ADAMTS18: variants seen among roughly 807,000 people sequenced by gnomAD.
ADAMTS18 encodes the protein ADAM metallopeptidase with thrombospondin type 1 motif 18.
ADAMTS18 carries 157 observed loss-of-function variants against 165.9 expected under a neutral mutation model. The observed-to-expected ratio is 0.95, with a 90% CI of 0.83 to 1.08. The LOEUF (loss-of-function observed/expected upper bound fraction) is 1.08, where lower values mean the gene tolerates loss of function less well. Among genes scored for constraint, ADAMTS18 ranks in the 50% least tolerant of loss-of-function variants. ADAMTS18 has a pLI of 0.00. For missense variants in ADAMTS18, 2,040 were observed against 1,534.0 expected (o/e 1.33, Z -5.51); for synonymous variants, 782 against 578.2 (o/e 1.35, Z -5.06).
At chr16:77,291,238 G>T in intron 21 of ADAMTS18, 28 bp downstream of exon 21, 1 of 1,611,742 alleles carries the variant, frequency 6.2e-7, no homozygotes, top group South Asian at 1.1e-5. Flanking sequence ...CACTTGAATA[G>T]ACACCTCCTC....
chr16:77,410,407 T>C (rs546216407), intron 3 of ADAMTS18, among the ~76,000 whole-genome samples: 2 of 151,994 alleles, frequency 1.3e-5, no homozygotes, highest in African/African-American at 4.8e-5. Context: ...GAGGATCCTC[T>C]AGCATGCTTA....
Position 77,294,922 on chromosome 16 carries a change from C to G in ADAMTS18, c.3006+1G>C, listed in dbSNP as rs1195694707. On this transcript the variant is annotated splice_donor_variant, in intron 19 of 22. Coordinates refer to ENST00000282849, the MANE Select transcript of ADAMTS18 (RefSeq NM_199355.4). LOFTEE classifies it high-confidence loss of function. ...GTAACTCCCAAGTTTTCTCCTGTTA[C>G]CTGAGACCAGGGTCCAAGGCTCCAT... The G allele has an allele frequency of 6.2e-7, 1 of 1,613,980 alleles. No homozygotes were observed. The highest frequency in any genetic ancestry group is 8.5e-7 in the Non-Finnish European group (1 of 1,180,014).
At chr16:77,303,542 C>A (rs895408150) in intron 16 of ADAMTS18, among the ~76,000 whole-genome samples, 1 of 152,096 alleles carries the variant, frequency 6.6e-6, no homozygotes, top group Non-Finnish European at 1.5e-5. Flanking sequence ...AACTTTTATC[C>A]TCTCTCATAT....
At chr16:77,286,220 C>T (rs560351355) in intron 22 of ADAMTS18, among the ~76,000 whole-genome samples, 3 of 152,156 alleles carry the variant, frequency 2.0e-5, no homozygotes, top group African/African-American at 7.2e-5. Flanking sequence ...GGTTCACCTT[C>T]CTTGAGGTCT....
intron 20 of ADAMTS18, among the ~76,000 whole-genome samples, chr16:77,291,687 C>A (rs1026484911): frequency 1.3e-5 from 2 of 152,224 alleles, no homozygotes; most frequent in Admixed American, 6.5e-5. Flanking sequence ...GAGAACGGAA[C>A]TGACTTTCCC....
At chr16:77,316,501 ATGT>A (rs1271694861) in intron 16 of ADAMTS18, among the ~76,000 whole-genome samples, 2 of 152,032 alleles carry the variant, frequency 1.3e-5, no homozygotes, top group African/African-American at 2.4e-5. Context: ...TGACATCCTG[ATGT>A]TGTTAATGGG....
At chr16:77,396,419 A>T (rs1020165386) in intron 3 of ADAMTS18, among the ~76,000 whole-genome samples, 7 of 152,238 alleles carry the variant, frequency 4.6e-5, no homozygotes, top group African/African-American at 1.7e-4. Context: ...TTCAGCATAA[A>T]GCCATTTAAA....
At chr16:77,340,473 C>A (rs145279052) in intron 11 of ADAMTS18, among the ~76,000 whole-genome samples, 37 of 152,270 alleles carry the variant, frequency 2.4e-4, no homozygotes, top group African/African-American at 7.7e-4. Flanking sequence ...CTGTGCCCCG[C>A]CTGGACTGTA....
intron 3 of ADAMTS18, among the ~76,000 whole-genome samples, chr16:77,372,940 T>C (rs532339153): frequency 6.6e-6 from 1 of 152,196 alleles, no homozygotes; most frequent in Non-Finnish European, 1.5e-5. Flanking sequence ...CCCACTAATC[T>C]CTGCATAATC....
At chr16:77,300,742 G>A (rs151304961) in intron 16 of ADAMTS18, among the ~76,000 whole-genome samples, 24 of 152,086 alleles carry the variant, frequency 1.6e-4, no homozygotes, top group African/African-American at 5.8e-4. Flanking sequence ...AGGTTATACT[G>A]TTGGGTCTAA....
chr16:77,399,585 C>T lies in ADAMTS18; in HGVS notation c.495+31710G>A, dbSNP rs1244306293. 2.6e-5 allele frequency among the ~76,000 whole-genome samples: 4 copies of T among 152,280 alleles called. No individual in the cohort carries two copies. In the East Asian group the frequency reaches 5.8e-4, roughly 22 times the overall value. ...CTAGTATTAGGGTTCTAGAAAGTTG[C>T]TTAATCACCCTGACCTTTTGCTGTT... On this transcript the variant is annotated intron_variant, in intron 3 of 22. Transcript: ENST00000282849.
At chr16:77,417,505 A>G (rs1291345954) in intron 3 of ADAMTS18, among the ~76,000 whole-genome samples, 1 of 152,264 alleles carries the variant, frequency 6.6e-6, no homozygotes, top group African/African-American at 2.4e-5. Flanking sequence ...TGATGGGTCT[A>G]TTCAACGAAG....
intron 10 of ADAMTS18, among the ~76,000 whole-genome samples, chr16:77,346,206 T>G (rs2056473488): frequency 6.6e-6 from 1 of 152,190 alleles, no homozygotes; most frequent in Non-Finnish European, 1.5e-5. Flanking sequence ...CTTATCTTAT[T>G]CCAAACTTAC....
chr16:77,328,249 T>C (rs900860045), intron 12 of ADAMTS18, among the ~76,000 whole-genome samples: 2 of 152,164 alleles, frequency 1.3e-5, no homozygotes, highest in Non-Finnish European at 2.9e-5. Context: ...GCTTACTCCG[T>C]GCACAAAGAT....
In ADAMTS18 at chr16:77,434,716, G is replaced by A. The variant is rs1353295487; in HGVS notation, c.-21C>T. The A allele has an allele frequency of 2.1e-6, 3 of 1,427,494 alleles. No individual in the cohort carries two copies. The highest frequency in any genetic ancestry group is 6.3e-5 in the East Asian group (2 of 31,842). 88.4% of individuals were successfully genotyped at this position (1,427,494 alleles called of 1,614,324 possible). ...TCCATGGTCAGGTGCGGACGCGGCG[G>A]CTGCGGGTGGCCAGACGCGGCAGGC... On this transcript the variant is annotated 5_prime_UTR_variant, in exon 1 of 23. Coordinates refer to ENST00000282849, the MANE Select transcript of ADAMTS18 (RefSeq NM_199355.4).
At chr16:77,341,899 A>C in intron 10 of ADAMTS18, 100 bp from the exon 11 acceptor site, 1 of 938,434 alleles carries the variant, frequency 1.1e-6, no homozygotes, top group Non-Finnish European at 1.6e-6. Context: ...GGGGTAGCTG[A>C]AATCAGAGCA....
intron 19 of ADAMTS18, 62 bp from the exon 20 acceptor site, chr16:77,293,320 A>C: frequency 7.4e-7 from 1 of 1,342,284 alleles, no homozygotes; most frequent in Non-Finnish European, 1.1e-6. Flanking sequence ...ACATTAAAAA[A>C]AAAAACAACA....
At chr16:77,375,497 G>C (rs1209550562) in intron 3 of ADAMTS18, among the ~76,000 whole-genome samples, 1 of 152,198 alleles carries the variant, frequency 6.6e-6, no homozygotes, top group Non-Finnish European at 1.5e-5. Flanking sequence ...ACACTTTTCT[G>C]AGGAGGCATT....
chr16:77,366,281 GGGCGCAGT>G (rs2056792488), intron 4 of ADAMTS18, among the ~76,000 whole-genome samples: 1 of 152,208 alleles, frequency 6.6e-6, no homozygotes, highest in Admixed American at 6.5e-5. Flanking sequence ...TCTTTTGGCT[GGGCGCAGT>G]GGCTCATGCC....
Sources: gnomAD v4.1 joint callset for allele counts (sites outside exome capture counted in the v4.1 genomes callset) on GRCh38, gnomAD v4.1.1 for gene constraint, MANE v1.5 for transcripts, NCBI Gene and HGNC (gene_info 2026-07-23, HGNC 2026-07-21) for gene names.